The following CLDN14 variants were observed in gnomAD, a reference collection of about 807,000 sequenced individuals.
CLDN14 encodes the protein claudin 14, also known as claudin-14.
Under a neutral mutation model 2.1 loss-of-function variants are expected in CLDN14, and 2 were observed. That is an observed-to-expected ratio of 0.96 (90% confidence interval 0.39 to 3.01). The LOEUF is 3.01. Among genes scored for constraint, CLDN14 ranks in the 30% most tolerant of loss-of-function variants. The pLI is 0.09. For synonymous variants in CLDN14, 136 were observed against 154.4 expected, an observed-to-expected ratio of 0.88 and a Z score of 0.88; for missense variants, 298 against 328.0, an observed-to-expected ratio of 0.91 and a Z score of 0.71.
chr21:36,534,392 TC>T (rs2087407977), intron 1 of CLDN14, among the ~76,000 whole-genome samples: 1 of 151,960 alleles, frequency 6.6e-6, no homozygotes, highest in African/African-American at 2.4e-5. Context: ...CCCAGGACGA[TC>T]CCCCCGTGGG....
At chr21:36,538,957 C>T (rs373159933) in intron 1 of CLDN14, among the ~76,000 whole-genome samples, 109 of 152,190 alleles carry the variant, frequency 7.2e-4, no homozygotes, top group African/African-American at 2.6e-3. Flanking sequence ...CCCGGCACAC[C>T]CACACACAGA....
chr21:36,539,321 C>T (rs554982904), intron 1 of CLDN14, among the ~76,000 whole-genome samples: 63 of 148,584 alleles, frequency 4.2e-4, no homozygotes, highest in South Asian at 6.6e-4. Flanking sequence ...AGAGTGAGTG[C>T]GTGTGGAGTG....
At chr21:36,570,516 C>T (rs899837816) in intron 1 of CLDN14, among the ~76,000 whole-genome samples, 1 of 152,216 alleles carries the variant, frequency 6.6e-6, no homozygotes, top group Non-Finnish European at 1.5e-5. Context: ...GTTTACAAGT[C>T]AATCTTAAGA....
chr21:36,491,240 C>T (rs1568856470), intron 2 of CLDN14, among the ~76,000 whole-genome samples: 1 of 152,304 alleles, frequency 6.6e-6, no homozygotes, highest in East Asian at 1.9e-4. Context: ...TGAAGAACTT[C>T]ACTCACAGTC....
At chr21:36,543,846 TGACACG>T (rs745799108) in intron 1 of CLDN14, among the ~76,000 whole-genome samples, 63 of 152,250 alleles carry the variant, frequency 4.1e-4, no homozygotes, top group Non-Finnish European at 6.6e-4. Context: ...AAGGAGCTTC[TGACACG>T]TAAACAGCCA....
chr21:36,531,699 T>G (rs1353426005), intron 1 of CLDN14, among the ~76,000 whole-genome samples: 2 of 151,828 alleles, frequency 1.3e-5, no homozygotes, highest in African/African-American at 2.4e-5. Flanking sequence ...TCTGTTTTTT[T>G]TTTTTTTTTA....
chr21:36,528,890 G>C (rs938867279), intron 1 of CLDN14, among the ~76,000 whole-genome samples: 4 of 152,158 alleles, frequency 2.6e-5, no homozygotes, highest in African/African-American at 9.7e-5. Context: ...CCGCAACCCT[G>C]CCTGGCCCTC....
intron 1 of CLDN14, among the ~76,000 whole-genome samples, chr21:36,533,168 G>A (rs1365574789): frequency 2.0e-5 from 3 of 152,208 alleles, no homozygotes; most frequent in Non-Finnish European, 4.4e-5. Flanking sequence ...TAGCTCGGGT[G>A]GGGCTGCACA....
chr21:36,571,034 G>A (rs978264235), intron 1 of CLDN14, among the ~76,000 whole-genome samples: 3 of 152,198 alleles, frequency 2.0e-5, no homozygotes, highest in Non-Finnish European at 4.4e-5. Flanking sequence ...TAGAGACAGG[G>A]TTTCACCATG....
chr21:36,490,440 C>A (rs2086949732), intron 2 of CLDN14, among the ~76,000 whole-genome samples: 1 of 137,482 alleles, frequency 7.3e-6, no homozygotes, highest in East Asian at 2.2e-4. Context: ...CCAGGCTGGA[C>A]TGCAGTGGCG....
intron 1 of CLDN14, among the ~76,000 whole-genome samples, chr21:36,573,808 C>T (rs2087725046): frequency 6.6e-6 from 1 of 151,964 alleles, no homozygotes; most frequent in African/African-American, 2.4e-5. Context: ...AAAATCAGTA[C>T]CATTTACAAT....
intron 1 of CLDN14, among the ~76,000 whole-genome samples, chr21:36,462,833 G>A (rs182162891): frequency 3.3e-5 from 5 of 152,048 alleles, no homozygotes; most frequent in Admixed American, 1.3e-4. Context: ...CAGGAGAATC[G>A]CTTGAACCAG....
At chr21:36,558,941 G>A (rs1362240578) in intron 1 of CLDN14, among the ~76,000 whole-genome samples, 1 of 152,016 alleles carries the variant, frequency 6.6e-6, no homozygotes, top group Non-Finnish European at 1.5e-5. Flanking sequence ...TTTGTGCCAA[G>A]GGAGTATACT....
Position 36,460,867 on chromosome 21 carries a change from T to A in CLDN14, c.*109A>T, listed in dbSNP as rs982213755. On this transcript the variant is annotated 3_prime_UTR_variant, in exon 2 of 2. Coordinates refer to ENST00000399135, the MANE Select transcript of CLDN14 (RefSeq NM_001146079.2). The surrounding 1 kb of genome is among the most constrained non-coding windows in gnomAD (Gnocchi z 4.0). ...CTCGCATTCACATTATTTCCTTGGATACAAAAATTGCCCAGAAGTAAACTT... is the reference window on the plus strand; with the variant it reads ...CTCGCATTCACATTATTTCCTTGGAAACAAAAATTGCCCAGAAGTAAACTT... The A allele has an allele frequency of 2.7e-5, 35 of 1,296,860 alleles. No homozygotes were observed. Among genetic ancestry groups the A allele is most frequent in the South Asian group, 1.3e-4 (10 of 77,158 alleles). 80.3% of individuals were successfully genotyped at this position (1,296,860 alleles called of 1,614,324 possible). A position where few individuals can be genotyped will look rare whatever the true frequency, so the allele number is the denominator to read the frequency against.
intron 1 of CLDN14, among the ~76,000 whole-genome samples, chr21:36,557,530 G>A (rs539520686): frequency 4.4e-4 from 67 of 152,080 alleles, no homozygotes; most frequent in Non-Finnish European, 8.7e-4. Flanking sequence ...TTTCCTTGAT[G>A]ATTAGTGACG....
intron 1 of CLDN14, among the ~76,000 whole-genome samples, chr21:36,561,690 C>T (rs1398537234): frequency 1.3e-5 from 2 of 152,336 alleles, no homozygotes; most frequent in East Asian, 3.9e-4. Context: ...CTTCTCTACT[C>T]ACTTCAATGT....
rs576984682 is a variant in CLDN14, at chr21:36,509,361, G to A, written c.-82+1002C>T. ...TTTGGGCTGAATTAGGAGAAGGGTA[G>A]ATGTTTGGAGGTGGTGTTGGCTGCA... On this transcript the variant is annotated intron_variant, in intron 2 of 2. Transcript: ENST00000342108. 3.3e-5 allele frequency among the ~76,000 whole-genome samples: 5 copies of A among 152,360 alleles called. No homozygotes were observed. The South Asian group carries it at 8.3e-4, about 25-fold the overall frequency.
intron 1 of CLDN14, among the ~76,000 whole-genome samples, chr21:36,550,362 C>G (rs1404516824): frequency 1.3e-5 from 2 of 152,216 alleles, no homozygotes; most frequent in Non-Finnish European, 2.9e-5. Flanking sequence ...TCCTCTCCCC[C>G]TGACCCCAAA....
intron 1 of CLDN14, among the ~76,000 whole-genome samples, chr21:36,572,103 CTG>C (rs2087713951): frequency 1.3e-5 from 2 of 152,200 alleles, no homozygotes; most frequent in African/African-American, 4.8e-5. Flanking sequence ...ATTCTGTAAT[CTG>C]TAGCGTACAG....
Sources: gnomAD v4.1 joint callset for allele counts (sites outside exome capture counted in the v4.1 genomes callset) on GRCh38, gnomAD v4.1.1 for gene constraint, Gnocchi (gnomAD v3.1) non-coding constraint, MANE v1.5 for transcripts, NCBI Gene and HGNC (gene_info 2026-07-23, HGNC 2026-07-21) for gene names.